Variants in KIZ observed in about 807,000 individuals in gnomAD.
KIZ encodes centrosomal protein kizuna.
A neutral mutation model predicts 79.6 loss-of-function variants in KIZ; 68 were observed. The observed-to-expected ratio is 0.85, with a 90% CI of 0.70 to 1.05. KIZ has a LOEUF of 1.05. Among genes scored for constraint, KIZ ranks in the 50% least tolerant of loss-of-function variants. The pLI is 0.00. For synonymous variants in KIZ, 280 were observed against 281.8 expected, an observed-to-expected ratio of 0.99 and a Z score of 0.06; for missense variants, 797 against 800.4, an observed-to-expected ratio of 1.00 and a Z score of 0.05.
intron 6 of KIZ, among the ~76,000 whole-genome samples, chr20:21,177,944 G>T (rs116678673): frequency 0.02 from 2,993 of 152,100 alleles, 99 homozygotes; most frequent in African/African-American, 0.067. Context: ...CTATATGTCT[G>T]TCTTTATGCC....
chr20:21,162,785 CTG>C (rs749344933), intron 5 of KIZ, 63 bp from the exon 6 acceptor site: 18 of 1,271,514 alleles, frequency 1.4e-5, no homozygotes, highest in Non-Finnish European at 1.9e-5. Flanking sequence ...AGTAATTCTG[CTG>C]TGTGTTACCT....
At chr20:21,220,212 C>T (rs1198235741) in intron 9 of KIZ, among the ~76,000 whole-genome samples, 4 of 151,004 alleles carry the variant, frequency 2.6e-5, no homozygotes, top group Non-Finnish European at 5.9e-5. Flanking sequence ...AATATTTTTA[C>T]GTGGGCTGAA....
intron 9 of KIZ, among the ~76,000 whole-genome samples, chr20:21,226,597 G>A (rs980003326): frequency 6.6e-6 from 1 of 152,220 alleles, no homozygotes; most frequent in Non-Finnish European, 1.5e-5. Context: ...AGCAGTGCTA[G>A]GCGCTCTGCC....
At chr20:21,158,520 G>A (rs141865829) in intron 4 of KIZ, 3 of 152,178 alleles carry the variant, frequency 2.0e-5, no homozygotes, top group East Asian at 1.9e-4. Context: ...CATAAATTAT[G>A]GTACATCTAT....
At chr20:21,182,855 T>C (rs910248463) in intron 6 of KIZ, among the ~76,000 whole-genome samples, 2 of 150,814 alleles carry the variant, frequency 1.3e-5, no homozygotes, top group Admixed American at 6.6e-5. Context: ...TCTTTTCTCC[T>C]CTCCCCTCCC....
At chr20:21,140,174 A>G (rs895399599) in intron 3 of KIZ, among the ~76,000 whole-genome samples, 11 of 152,186 alleles carry the variant, frequency 7.2e-5, no homozygotes, top group African/African-American at 2.4e-4. Context: ...TGGCCCAGGT[A>G]TGCCAGAACC....
intron 6 of KIZ, among the ~76,000 whole-genome samples, chr20:21,174,130 C>T (rs961467017): frequency 2.2e-4 from 34 of 152,174 alleles, no homozygotes; most frequent in African/African-American, 7.5e-4. Flanking sequence ...CACAGAGGTG[C>T]AGCTAGGGTC....
chr20:21,131,284 A>G (rs1309917384), intron 1 of KIZ, among the ~76,000 whole-genome samples: 2 of 152,120 alleles, frequency 1.3e-5, no homozygotes, highest in African/African-American at 4.8e-5. Flanking sequence ...TACTGCTAGC[A>G]CTCACCTGAA....
At chr20:21,213,253 G>A (rs533387916) in intron 7 of KIZ, among the ~76,000 whole-genome samples, 4 of 152,236 alleles carry the variant, frequency 2.6e-5, no homozygotes, top group South Asian at 4.1e-4. Context: ...CCTTCTGTCC[G>A]GGCCTTCTTA....
chr20:21,245,411 A>T (rs1051783545), intron 12 of KIZ: 9 of 152,126 alleles, frequency 5.9e-5, no homozygotes, highest in Non-Finnish European at 1.2e-4. Context: ...TGGCATTGTG[A>T]TTGTGGCCAA....
intron 3 of KIZ, chr20:21,139,037 A>G (rs1327060151): frequency 7.0e-6 from 1 of 142,990 alleles, no homozygotes; most frequent in Non-Finnish European, 1.5e-5. Flanking sequence ...TCAAGATCAG[A>G]TGAGAGCAAG....
At chr20:21,130,614 T>C (rs1300415942) in intron 1 of KIZ, among the ~76,000 whole-genome samples, 2 of 152,230 alleles carry the variant, frequency 1.3e-5, no homozygotes, top group African/African-American at 4.8e-5. Flanking sequence ...TGTGTTTTTG[T>C]AATTTTTTTC....
chr20:21,209,486 A>C (rs1467139666), intron 7 of KIZ, among the ~76,000 whole-genome samples: 1 of 148,382 alleles, frequency 6.7e-6, no homozygotes, highest in Non-Finnish European at 1.5e-5. Context: ...AGTTTTATTC[A>C]CCAGGAAGAT....
At chr20:21,167,607 G>C (rs1360143345) in intron 6 of KIZ, among the ~76,000 whole-genome samples, 5 of 147,204 alleles carry the variant, frequency 3.4e-5, no homozygotes, top group African/African-American at 1.3e-4. Flanking sequence ...TGTCGCCCAG[G>C]CTGGAGTACA....
chr20:21,218,523 A>C (rs1206121469), intron 9 of KIZ: 1 of 152,226 alleles, frequency 6.6e-6, no homozygotes, highest in Non-Finnish European at 1.5e-5. Context: ...CTCTCTCTGC[A>C]GTATGCATAA....
At chr20:21,222,510 C>T (rs1316953755) in intron 9 of KIZ, among the ~76,000 whole-genome samples, 4 of 152,222 alleles carry the variant, frequency 2.6e-5, no homozygotes, top group Admixed American at 1.3e-4. Context: ...GAGACAAAAT[C>T]AGGCTTTAAA....
At chr20:21,208,697 A>G (rs1313397775) in intron 7 of KIZ, among the ~76,000 whole-genome samples, 4 of 151,364 alleles carry the variant, frequency 2.6e-5, no homozygotes, top group Non-Finnish European at 5.9e-5. Flanking sequence ...GCGAGACTCC[A>G]TCTCAAAAAA....
At chr20:21,147,748 G>A (rs549320272) in intron 4 of KIZ, among the ~76,000 whole-genome samples, 6 of 152,304 alleles carry the variant, frequency 3.9e-5, no homozygotes, top group African/African-American at 1.2e-4. Context: ...TGCCAGTCAC[G>A]TGGGACAAAC....
At chr20:21,210,957 T>C (rs985843266) in intron 7 of KIZ, among the ~76,000 whole-genome samples, 8 of 152,214 alleles carry the variant, frequency 5.3e-5, no homozygotes, top group African/African-American at 1.4e-4. Flanking sequence ...TTATTTCTTA[T>C]TGACTTGCAA....
Sources: allele counts gnomAD v4.1 joint callset (sites outside exome capture counted in the v4.1 genomes callset), GRCh38; gene constraint gnomAD v4.1.1; transcripts MANE v1.5; gene names NCBI Gene and HGNC (gene_info 2026-07-23, HGNC 2026-07-21).